The following LRBA variants were observed in gnomAD, a reference collection of about 807,000 sequenced individuals.
LRBA encodes the protein lipopolysaccharide-responsive and beige-like anchor protein.
LRBA carries 176 observed loss-of-function variants against 330.0 expected under a neutral mutation model. That is an observed-to-expected ratio of 0.53 (90% CI 0.47 to 0.60). The LOEUF is 0.60. LRBA is among the 20% of genes least tolerant of loss of function. LRBA has a pLI of 0.00. For missense variants in LRBA, 3,259 were observed against 3,444.8 expected (o/e 0.95, Z 1.35); for synonymous variants, 1,230 against 1,193.0 (o/e 1.03, Z -0.64).
At chr4:150,328,737 G>A (rs915765344) in intron 48 of LRBA, among the ~76,000 whole-genome samples, 2 of 152,050 alleles carry the variant, frequency 1.3e-5, no homozygotes, top group Non-Finnish European at 2.9e-5. Flanking sequence ...CAGAGAGAGG[G>A]CAGTCAGAGG....
chr4:150,540,222 T>G (rs62344740), intron 40 of LRBA, among the ~76,000 whole-genome samples: 1,749 of 152,024 alleles, frequency 0.012, 14 homozygotes, highest in Non-Finnish European at 0.02. Flanking sequence ...TTTATGGGTG[T>G]TGTTGTTGTT....
rs1299914199 is a variant in LRBA at position 150,583,685 on chromosome 4, C to T, written c.6330+4363G>A. The T allele has an allele frequency of 6.2e-7, 1 of 1,613,730 alleles. No homozygotes were observed. The highest frequency in any genetic ancestry group is 1.7e-5 in the Admixed American group (1 of 59,990). ...CTCTCGAAGGAGTGCTACTCGCTGACCGGCAAGCAGAGCTCGGCAGAGAGC... is the reference window on the plus strand; with the variant it reads ...CTCTCGAAGGAGTGCTACTCGCTGATCGGCAAGCAGAGCTCGGCAGAGAGC... On this transcript the variant is annotated intron_variant, in intron 40 of 56. Coordinates refer to ENST00000651943, the MANE Select transcript of LRBA (RefSeq NM_001364905.1). The surrounding 1 kb of genome is among the most constrained non-coding windows in gnomAD (Gnocchi z 9.8).
At chr4:150,620,945 T>C (rs1489467626) in intron 37 of LRBA, among the ~76,000 whole-genome samples, 1 of 152,138 alleles carries the variant, frequency 6.6e-6, no homozygotes, top group Non-Finnish European at 1.5e-5. Context: ...CTCCAAAAGT[T>C]GTTGAAATGA....
chr4:150,858,493 T>C (rs1751496163), intron 22 of LRBA, among the ~76,000 whole-genome samples: 1 of 152,060 alleles, frequency 6.6e-6, no homozygotes, highest in Non-Finnish European at 1.5e-5. Context: ...AGGTGCAAAG[T>C]GCTGATAATC....
intron 28 of LRBA, among the ~76,000 whole-genome samples, chr4:150,832,234 A>G (rs1747316339): frequency 6.6e-6 from 1 of 152,186 alleles, no homozygotes; most frequent in South Asian, 2.1e-4. Context: ...ATTTTTTTAA[A>G]TTATTCAATC....
chr4:150,625,231 C>G (rs763224781), intron 37 of LRBA, among the ~76,000 whole-genome samples: 3 of 152,062 alleles, frequency 2.0e-5, no homozygotes, highest in Non-Finnish European at 2.9e-5. Flanking sequence ...GCCACTTGAT[C>G]CCCCACAATC....
chr4:150,319,107 T>G (rs1732123621), intron 50 of LRBA, among the ~76,000 whole-genome samples: 1 of 152,190 alleles, frequency 6.6e-6, no homozygotes, highest in Admixed American at 6.5e-5. Context: ...GCGTAGGGTC[T>G]TAAATGCTTA....
intron 44 of LRBA, among the ~76,000 whole-genome samples, chr4:150,452,277 CT>C (rs1303131597): frequency 6.6e-6 from 1 of 152,028 alleles, no homozygotes; most frequent in Non-Finnish European, 1.5e-5. Flanking sequence ...TACTAACCAA[CT>C]AAAAAAGAAA....
chr4:150,380,765 C>G (rs1315545895), intron 47 of LRBA, among the ~76,000 whole-genome samples: 6 of 151,718 alleles, frequency 4.0e-5, no homozygotes, highest in Non-Finnish European at 7.4e-5. Flanking sequence ...TACCTGAGAT[C>G]AGGAGTTCAA....
At chr4:150,382,635 AAAG>A (rs1394378081) in intron 47 of LRBA, among the ~76,000 whole-genome samples, 38 of 152,076 alleles carry the variant, frequency 2.5e-4, no homozygotes, top group African/African-American at 8.4e-4. Context: ...AAAAAAAAAA[AAAG>A]AAGACCAGGC....
intron 47 of LRBA, among the ~76,000 whole-genome samples, chr4:150,373,160 TGTGTGTGTGTGTGAGA>T (rs1740684883): frequency 6.8e-6 from 1 of 147,088 alleles, no homozygotes; most frequent in African/African-American, 2.5e-5. Flanking sequence ...TGTGTGTGTG[TGTGTGTGTGTGTGAGA>T]GAGAGAGAGA....
chr4:150,973,678 G>A lies in LRBA; in HGVS notation c.216+40749C>T, dbSNP rs1367665147. 3.9e-5 allele frequency among the ~76,000 whole-genome samples: 6 copies of A among 151,978 alleles called. No individual in the cohort carries two copies. The East Asian group carries it at 1.2e-3, about 29-fold the overall frequency. On this transcript the variant is annotated intron_variant, in intron 2 of 56. Transcript: ENST00000651943. ...AACTTGTGTGGATTTTTGCCAGTTA[G>A]GCTATTGATTCTGTTTAAAGAAACC...
chr4:150,496,140 A>C (rs1396644066), intron 40 of LRBA, among the ~76,000 whole-genome samples: 1 of 152,138 alleles, frequency 6.6e-6, no homozygotes, highest in Non-Finnish European at 1.5e-5. Flanking sequence ...ACTGTGCCTT[A>C]TGAAAAGGAT....
intron 36 of LRBA, among the ~76,000 whole-genome samples, chr4:150,695,955 T>C (rs531010988): frequency 6.6e-6 from 1 of 152,128 alleles, no homozygotes; most frequent in South Asian, 2.1e-4. Context: ...AGGCCAGACA[T>C]GGTGGCTCAC....
chr4:150,972,946 T>C (rs924696116), intron 2 of LRBA, among the ~76,000 whole-genome samples: 22 of 152,124 alleles, frequency 1.4e-4, no homozygotes, highest in African/African-American at 5.3e-4. Context: ...TTAGAAGAAA[T>C]GGCAAACTTT....
chr4:150,639,813 G>GTA (rs1778429356), intron 37 of LRBA, among the ~76,000 whole-genome samples: 1 of 7,264 alleles, frequency 1.4e-4, no homozygotes, highest in African/African-American at 3.5e-4. Context: ...ATATGTGTGT[G>GTA]TGTGTGTATA....
intron 17 of LRBA, among the ~76,000 whole-genome samples, chr4:150,884,878 T>C (rs1329580274): frequency 6.6e-6 from 1 of 152,120 alleles, no homozygotes; most frequent in African/African-American, 2.4e-5. Context: ...TTTTAAGGAC[T>C]TGTAATAAAT....
chr4:150,422,814 T>A, intron 46 of LRBA: 1 of 1,467,746 alleles, frequency 6.8e-7, no homozygotes, highest in Non-Finnish European at 9.5e-7. Context: ...CGGTTTGCCC[T>A]GGAACTTGCC....
At chr4:150,479,444 G>C (rs890509286) in intron 42 of LRBA, among the ~76,000 whole-genome samples, 5 of 151,940 alleles carry the variant, frequency 3.3e-5, no homozygotes, top group African/African-American at 4.8e-5. Context: ...TGCTCCTCTG[G>C]GCTGCTTCTT....
Sources: gnomAD v4.1 joint callset for allele counts (sites outside exome capture counted in the v4.1 genomes callset) on GRCh38, gnomAD v4.1.1 for gene constraint, Gnocchi (gnomAD v3.1) non-coding constraint, MANE v1.5 for transcripts, NCBI Gene and HGNC (gene_info 2026-07-23, HGNC 2026-07-21) for gene names.